The following USP31 variants were observed in gnomAD, a reference collection of about 807,000 sequenced individuals.
The protein encoded by USP31 is ubiquitin carboxyl-terminal hydrolase 31.
A neutral mutation model predicts 119.4 loss-of-function variants in USP31; 44 were observed. The ratio of observed to expected loss-of-function variants is 0.37; its 90% CI spans 0.29 to 0.47. The LOEUF (loss-of-function observed/expected upper bound fraction) is 0.47, where lower values mean the gene tolerates loss of function less well. Ranked by LOEUF, USP31 falls within the 20% of genes least tolerant of loss-of-function variation. USP31 has a pLI of 0.99. For synonymous variants in USP31, 749 were observed against 705.6 expected (o/e 1.06, Z -0.97); for missense variants, 1,643 against 1,730.2 (o/e 0.95, Z 0.89).
intron 1 of USP31, among the ~76,000 whole-genome samples, chr16:23,128,235 G>A (rs534025712): frequency 2.0e-5 from 3 of 152,286 alleles, no homozygotes; most frequent in African/African-American, 7.2e-5. Flanking sequence ...CCTGATTCCA[G>A]TATCTGGAAA....
At chr16:23,073,669 A>C in intron 14 of USP31, 53 bp downstream of exon 14, 1 of 1,594,400 alleles carries the variant, frequency 6.3e-7, no homozygotes, top group African/African-American at 1.3e-5. Context: ...TAGACCATTC[A>C]TTACAATCTT....
At chr16:23,098,555 T>C (rs1480908960) in intron 6 of USP31, among the ~76,000 whole-genome samples, 1 of 152,076 alleles carries the variant, frequency 6.6e-6, no homozygotes, top group African/African-American at 2.4e-5. Context: ...GGCATCACGC[T>C]ACCTAACTTC....
chr16:23,111,861 C>G (rs1902329579), intron 1 of USP31, among the ~76,000 whole-genome samples: 1 of 152,026 alleles, frequency 6.6e-6, no homozygotes, highest in Non-Finnish European at 1.5e-5. Flanking sequence ...TAAAGGAGGC[C>G]AGAGAACTAA....
intron 7 of USP31, among the ~76,000 whole-genome samples, chr16:23,088,699 G>C (rs185253734): frequency 2.0e-5 from 3 of 152,166 alleles, no homozygotes; most frequent in African/African-American, 7.2e-5. Flanking sequence ...TCTTTTCCAG[G>C]AGGCACCCTG....
At position 23,124,438 on chromosome 16, in the gene USP31, T is replaced by C. The variant is rs995442626; in HGVS notation, c.634-16255A>G. ...AAACGCCAGGCACATGGATTATCAC[T>C]GTGTTATTCAACGACGATACAATGG... is the stretch of plus-strand genomic sequence containing the variant. On this transcript the variant is annotated intron_variant, in intron 1 of 15. Coordinates refer to ENST00000219689, the MANE Select transcript of USP31 (RefSeq NM_020718.4). Among the ~76,000 whole-genome samples the C allele has an allele frequency of 3.3e-5, 5 of 152,230 alleles. No homozygotes were observed. In the East Asian group the frequency reaches 7.7e-4, roughly 23 times the overall value.
rs1902302562 is a variant in USP31, at chr16:23,111,094, C to G, written c.634-2911G>C. ...AGTGAGCCAAGATCGTGCCACTGCCCTCCAGCCTGGACGACAGAGCGAGAC... is the reference window on the plus strand; with the variant it reads ...AGTGAGCCAAGATCGTGCCACTGCCGTCCAGCCTGGACGACAGAGCGAGAC... On this transcript the variant is annotated intron_variant, in intron 1 of 15. Coordinates refer to ENST00000219689, the MANE Select transcript of USP31 (RefSeq NM_020718.4). Among the ~76,000 whole-genome samples, 3 of 151,910 alleles carry G rather than the reference C, an allele frequency of 2.0e-5. No individual in the cohort carries two copies. In the East Asian group the frequency reaches 5.8e-4, roughly 29 times the overall value.
chr16:23,137,977 A>G (rs1903243619), intron 1 of USP31, among the ~76,000 whole-genome samples: 1 of 152,216 alleles, frequency 6.6e-6, no homozygotes, highest in Non-Finnish European at 1.5e-5. Flanking sequence ...TCTGACCAGA[A>G]TAACAACCAT....
intron 6 of USP31, among the ~76,000 whole-genome samples, chr16:23,092,354 AC>A (rs1462766181): frequency 6.6e-6 from 1 of 152,244 alleles, no homozygotes; most frequent in Non-Finnish European, 1.5e-5. Context: ...AACAAACATT[AC>A]CTGGGCTCTT....
At chr16:23,072,619 CTT>C (rs952669149) in intron 14 of USP31, 2 of 451,458 alleles carry the variant, frequency 4.4e-6, no homozygotes, top group African/African-American at 2.0e-5. Flanking sequence ...GCAGTATACT[CTT>C]TTTCTCTCAG....
intron 1 of USP31, among the ~76,000 whole-genome samples, chr16:23,109,230 C>T (rs927303877): frequency 7.2e-5 from 11 of 152,214 alleles, no homozygotes; most frequent in Non-Finnish European, 1.2e-4. Flanking sequence ...ACAACGTGCA[C>T]ATCCAGTGCC....
chr16:23,086,853 G>A (rs1401346407), intron 9 of USP31, among the ~76,000 whole-genome samples: 2 of 152,114 alleles, frequency 1.3e-5, no homozygotes, highest in African/African-American at 2.4e-5. Flanking sequence ...TTTATCTACA[G>A]TCCTAGGACA....
intron 15 of USP31, among the ~76,000 whole-genome samples, chr16:23,070,399 C>T (rs113683960): frequency 2.6e-4 from 40 of 152,250 alleles, no homozygotes; most frequent in African/African-American, 8.9e-4. Context: ...AATCCAGTAA[C>T]TTAAAACTTC....
At chr16:23,131,800 A>C (rs1378351476) in intron 1 of USP31, among the ~76,000 whole-genome samples, 1 of 152,152 alleles carries the variant, frequency 6.6e-6, no homozygotes, top group Non-Finnish European at 1.5e-5. Flanking sequence ...ATTGTTTCTT[A>C]AATCTCCTGA....
In USP31 at chr16:23,082,567, G is replaced by A. The variant is rs749416009; in HGVS notation, c.1831-10C>T. On this transcript the variant is annotated splice_polypyrimidine_tract_variant and intron_variant, in intron 11 of 15. Transcript: ENST00000219689. ...CATCATCGGGGGCAAGCTGAAAACA[G>A]AAGCATGACTCCCGTTAAGTGCCAC... 1 of 1,613,952 alleles carries A rather than the reference G, an allele frequency of 6.2e-7. No individual in the cohort carries two copies. The highest frequency in any genetic ancestry group is 1.1e-5 in the South Asian group (1 of 91,066).
intron 7 of USP31, among the ~76,000 whole-genome samples, chr16:23,089,636 T>C (rs570100366): frequency 5.3e-5 from 8 of 152,358 alleles, no homozygotes; most frequent in African/African-American, 1.9e-4. Flanking sequence ...TTCTAACAAA[T>C]GTTAAGAAAC....
At chr16:23,069,724 G>A in intron 15 of USP31, 108 bp from the exon 16 acceptor site, 2 of 1,402,498 alleles carry the variant, frequency 1.4e-6, no homozygotes, top group Non-Finnish European at 1.9e-6. Context: ...GATGAAAGGA[G>A]CATGACCTTC....
intron 1 of USP31, among the ~76,000 whole-genome samples, chr16:23,116,608 GA>G (rs1273725490): frequency 1.3e-5 from 2 of 152,176 alleles, no homozygotes; most frequent in African/African-American, 4.8e-5. Flanking sequence ...CCTCTGAGGG[GA>G]GAGGAGACAA....
At chr16:23,116,098 T>C (rs1050937348) in intron 1 of USP31, among the ~76,000 whole-genome samples, 6 of 152,194 alleles carry the variant, frequency 3.9e-5, no homozygotes, top group South Asian at 4.1e-4. Context: ...GGCTCCTCTT[T>C]TGGGAAGAAG....
At chr16:23,074,034 A>G (rs1900459000) in intron 13 of USP31, 154 bp from the exon 14 acceptor site, 2 of 993,912 alleles carry the variant, frequency 2.0e-6, no homozygotes, top group East Asian at 5.4e-5. Flanking sequence ...AAAATTCTAA[A>G]TTCTGTATCA....
Sources: gnomAD v4.1 joint callset for allele counts (sites outside exome capture counted in the v4.1 genomes callset) on GRCh38, gnomAD v4.1.1 for gene constraint, MANE v1.5 for transcripts, NCBI Gene and HGNC (gene_info 2026-07-23, HGNC 2026-07-21) for gene names.